Variants in COBL observed in about 807,000 individuals in gnomAD.
The protein encoded by COBL is cordon-bleu WH2 repeat protein, also known as protein cordon-bleu.
Under a neutral mutation model 98.8 loss-of-function variants are expected in COBL, and 51 were observed. The observed-to-expected ratio is 0.52, with a 90% CI of 0.41 to 0.65. The LOEUF (loss-of-function observed/expected upper bound fraction) is 0.65. Ranked by LOEUF, COBL falls within the 30% of genes least tolerant of loss-of-function variation. The probability of loss-of-function intolerance (pLI) is 0.00; values close to 1 mark genes in which losing one functional copy is unlikely to be tolerated. For missense variants in COBL, 1,617 were observed against 1,617.5 expected, an observed-to-expected ratio of 1.00 and a Z score of 0.01; for synonymous variants, 634 against 651.7, an observed-to-expected ratio of 0.97 and a Z score of 0.41.
chr7:51,137,390 C>A (rs909828276), intron 5 of COBL, among the ~76,000 whole-genome samples: 2 of 152,150 alleles, frequency 1.3e-5, no homozygotes, highest in East Asian at 1.9e-4. Flanking sequence ...CATTACAAAG[C>A]TATCATGTGA....
intron 2 of COBL, among the ~76,000 whole-genome samples, chr7:51,214,739 T>G (rs138991641): frequency 1.3e-5 from 2 of 152,344 alleles, no homozygotes; most frequent in African/African-American, 4.8e-5. Flanking sequence ...CAATTTTGTA[T>G]GCTACTTTTC....
At chr7:51,018,905 A>AAAAATATAT (rs1554345519) in intron 12 of COBL, among the ~76,000 whole-genome samples, 1 of 34,432 alleles carries the variant, frequency 2.9e-5, no homozygotes, top group East Asian at 1.3e-3. Context: ...AAAAAAAAAA[A>AAAAATATAT]ATATATATAT....
chr7:51,292,711 C>T (rs1032097934), intron 1 of COBL, among the ~76,000 whole-genome samples: 1 of 152,368 alleles, frequency 6.6e-6, no homozygotes, highest in Non-Finnish European at 1.5e-5. Context: ...TGTTCTGTCC[C>T]CTCCTCCCTC....
intron 5 of COBL, among the ~76,000 whole-genome samples, chr7:51,141,913 T>C (rs748457361): frequency 2.0e-4 from 30 of 152,192 alleles, no homozygotes; most frequent in Non-Finnish European, 3.7e-4. Flanking sequence ...CCAACTTTCC[T>C]TCCCAAGAGG....
chr7:51,238,546 C>T (rs2108797), intron 1 of COBL, among the ~76,000 whole-genome samples: 104,295 of 152,096 alleles, frequency 0.69, 36,393 homozygotes, highest in African/African-American at 0.81. Flanking sequence ...CAGAGGCCTC[C>T]GAACCAGAGC....
In COBL at chr7:51,316,603, G is replaced by A. The variant is rs1803632809; in HGVS notation, c.31C>T (p.Pro11Ser). The stretch of plus-strand genomic sequence containing the variant: ...CGCGGGGCCGCTTACCCGGTCGGGG[G>A]CTTGGCCGCCGAGGCGCGCGGCGCG... MDAPRASAAKPPTGRKMKARA... is the reference protein window; with the variant it reads MDAPRASAAKSPTGRKMKARA... The change falls in exon 1 of 13, where the codon CCC becomes TCC. Residue 11 changes from proline to serine, a missense_variant. By Grantham distance (74) the Pro-to-Ser change is moderately conservative. This residue lies in a region of COBL where 238 missense variants were observed against 215.0 expected (regional missense o/e 1.11). Transcript: ENST00000265136. The A allele has an allele frequency of 8.3e-7, 1 of 1,206,168 alleles. No individual in the cohort carries two copies. The highest frequency in any genetic ancestry group is 1.6e-5 in the African/African-American group (1 of 63,290). 74.7% of individuals were successfully genotyped at this position (1,206,168 alleles called of 1,614,324 possible). A position where few individuals can be genotyped will look rare whatever the true frequency, so the allele number is the denominator to read the frequency against.
intron 1 of COBL, among the ~76,000 whole-genome samples, chr7:51,278,857 C>T (rs12719049): frequency 0.054 from 8,201 of 152,288 alleles, 314 homozygotes; most frequent in Non-Finnish European, 0.085. Context: ...CTTTTCCAGA[C>T]GATTTCAGTT....
chr7:51,089,369 GC>G (rs1025908508), intron 6 of COBL, among the ~76,000 whole-genome samples: 5 of 152,122 alleles, frequency 3.3e-5, no homozygotes, highest in African/African-American at 1.2e-4. Context: ...ATAAAAATTA[GC>G]CAGGCGTGGT....
chr7:51,030,682 A>C (rs966989937), intron 9 of COBL, 130 bp downstream of exon 9: 4 of 661,720 alleles, frequency 6.0e-6, no homozygotes, highest in Non-Finnish European at 7.9e-6. Context: ...ACTTTCACCA[A>C]ACTGACCTGG....
intron 1 of COBL, among the ~76,000 whole-genome samples, chr7:51,278,526 G>A (rs558280405): frequency 7.9e-5 from 12 of 152,072 alleles, no homozygotes; most frequent in Non-Finnish European, 1.3e-4. Context: ...GATTACAGGC[G>A]TGTGCCACCA....
chr7:51,056,276 G>A (rs935722012), intron 7 of COBL, among the ~76,000 whole-genome samples: 1 of 152,002 alleles, frequency 6.6e-6, no homozygotes, highest in East Asian at 1.9e-4. Context: ...CAGGGTAGGG[G>A]TGGCACAGCC....
At chr7:51,097,477 A>C (rs570432737) in intron 6 of COBL, among the ~76,000 whole-genome samples, 5 of 152,174 alleles carry the variant, frequency 3.3e-5, no homozygotes, top group Non-Finnish European at 7.3e-5. Context: ...AAGAAATATA[A>C]GGCATCTAAA....
intron 1 of COBL, among the ~76,000 whole-genome samples, chr7:51,272,948 C>CCAACAA (rs202039697): frequency 2.3e-3 from 334 of 146,202 alleles, no homozygotes; most frequent in African/African-American, 4.6e-3. Flanking sequence ...GAACACAATA[C>CCAACAA]CAACAACAAC....
intron 1 of COBL, chr7:51,259,494 T>C (rs1797524609): frequency 1.6e-6 from 1 of 621,866 alleles, no homozygotes. Context: ...GCCCATCTCC[T>C]TGAGGAAACC....
intron 5 of COBL, among the ~76,000 whole-genome samples, chr7:51,175,220 A>C (rs921140883): frequency 1.3e-5 from 2 of 152,352 alleles, no homozygotes; most frequent in African/African-American, 4.8e-5. Flanking sequence ...TGCACTGCTG[A>C]TATCACTTTA....
intron 7 of COBL, among the ~76,000 whole-genome samples, chr7:51,081,424 C>G (rs1470599755): frequency 6.6e-6 from 1 of 152,222 alleles, no homozygotes; most frequent in Non-Finnish European, 1.5e-5. Flanking sequence ...TCCGCCACTT[C>G]GCTCTCCTTC....
At chr7:51,100,738 T>C (rs758471958) in intron 6 of COBL, among the ~76,000 whole-genome samples, 1 of 151,952 alleles carries the variant, frequency 6.6e-6, no homozygotes, top group Non-Finnish European at 1.5e-5. Flanking sequence ...CCATCTCTAC[T>C]AAAAATACAA....
chr7:51,254,262 G>C (rs1322020118), intron 1 of COBL, among the ~76,000 whole-genome samples: 3 of 152,050 alleles, frequency 2.0e-5, no homozygotes, highest in Non-Finnish European at 2.9e-5. Context: ...GACCTTCATA[G>C]ATGAGGCAAG....
At chr7:51,302,300 G>C (rs996582578) in intron 1 of COBL, among the ~76,000 whole-genome samples, 2 of 152,144 alleles carry the variant, frequency 1.3e-5, no homozygotes, top group Non-Finnish European at 2.9e-5. Flanking sequence ...CACAATTCTG[G>C]ACTGGGCGCA....
Sources: allele counts gnomAD v4.1 joint callset (sites outside exome capture counted in the v4.1 genomes callset), GRCh38; gene constraint gnomAD v4.1.1; regional missense constraint gnomAD v4.1.1; transcripts MANE v1.5; gene names NCBI Gene and HGNC (gene_info 2026-07-23, HGNC 2026-07-21).